The following FARP1 variants were observed in gnomAD, a reference collection of about 807,000 sequenced individuals.
FARP1 encodes the protein FERM, ARH/RhoGEF and pleckstrin domain protein 1, also known as FERM, ARHGEF and pleckstrin domain-containing protein 1.
FARP1 carries 52 observed loss-of-function variants against 128.8 expected under a neutral mutation model. That is an observed-to-expected ratio of 0.40 (90% CI 0.32 to 0.51). The LOEUF (loss-of-function observed/expected upper bound fraction) is 0.51. Ranked by LOEUF, FARP1 falls within the 20% of genes least tolerant of loss-of-function variation. FARP1 has a pLI of 0.45. For synonymous variants in FARP1, 580 were observed against 551.8 expected, an observed-to-expected ratio of 1.05 and a Z score of -0.72; for missense variants, 1,333 against 1,367.9, an observed-to-expected ratio of 0.97 and a Z score of 0.40.
At chr13:98,164,183 A>AG (rs1877082811) in intron 1 of FARP1, among the ~76,000 whole-genome samples, 7 of 152,242 alleles carry the variant, frequency 4.6e-5, no homozygotes, top group Admixed American at 4.6e-4. Context: ...AACGAAGGAC[A>AG]GAAAGGCCCA....
chr13:98,435,432 A>G (rs934588325), intron 18 of FARP1, 144 bp from the exon 19 acceptor site: 7 of 716,228 alleles, frequency 9.8e-6, no homozygotes, highest in African/African-American at 5.4e-5. Flanking sequence ...TTATAGAGAA[A>G]TAGCACTGTT....
At chr13:98,414,193 G>T (rs1891294146) in intron 16 of FARP1, among the ~76,000 whole-genome samples, 1 of 152,180 alleles carries the variant, frequency 6.6e-6, no homozygotes, top group Non-Finnish European at 1.5e-5. Flanking sequence ...TTCCCAGAGG[G>T]TTTTCAGTAG....
chr13:98,422,475 C>T (rs1248046434), intron 16 of FARP1, among the ~76,000 whole-genome samples: 2 of 152,138 alleles, frequency 1.3e-5, no homozygotes, highest in African/African-American at 4.8e-5. Flanking sequence ...AGGGCAGCAA[C>T]GAAGACCCAG....
intron 2 of FARP1, among the ~76,000 whole-genome samples, chr13:98,223,826 A>G (rs1340380328): frequency 1.3e-5 from 2 of 152,236 alleles, no homozygotes; most frequent in African/African-American, 2.4e-5. Flanking sequence ...TACTCTGTTA[A>G]GCTTGCCACA....
intron 2 of FARP1, among the ~76,000 whole-genome samples, chr13:98,243,822 G>T (rs1882916268): frequency 6.6e-6 from 1 of 151,732 alleles, no homozygotes; most frequent in African/African-American, 2.4e-5. Context: ...ACAAAAACTG[G>T]ACCTAAAGTT....
intron 1 of FARP1, among the ~76,000 whole-genome samples, chr13:98,163,001 A>G (rs1374850196): frequency 2.6e-5 from 4 of 152,210 alleles, no homozygotes; most frequent in Non-Finnish European, 1.5e-5. Flanking sequence ...AAGTCATTCT[A>G]CCATAAGGAC....
At chr13:98,320,012 CG>C (rs1886921094) in intron 2 of FARP1, among the ~76,000 whole-genome samples, 1 of 152,068 alleles carries the variant, frequency 6.6e-6, no homozygotes, top group African/African-American at 2.4e-5. Context: ...CTGAAACACC[CG>C]GGGTGGAATG....
chr13:98,354,543 A>T (rs1888565024), intron 3 of FARP1, among the ~76,000 whole-genome samples: 1 of 152,258 alleles, frequency 6.6e-6, no homozygotes, highest in Non-Finnish European at 1.5e-5. Context: ...ATGGAGAGGT[A>T]CAAATCTTTG....
chr13:98,369,726 T>C (rs1434028448), intron 5 of FARP1, among the ~76,000 whole-genome samples: 1 of 151,620 alleles, frequency 6.6e-6, no homozygotes, highest in Non-Finnish European at 1.5e-5. Context: ...TAGTATTCCA[T>C]GGTGTATGTG....
At chr13:98,187,364 C>T (rs77781335) in intron 1 of FARP1, among the ~76,000 whole-genome samples, 5 of 152,150 alleles carry the variant, frequency 3.3e-5, no homozygotes, top group African/African-American at 4.8e-5. Flanking sequence ...CATAAGGCAC[C>T]GTATGATAAG....
intron 26 of FARP1, chr13:98,447,948 C>T (rs1175868150): frequency 4.3e-6 from 2 of 460,942 alleles, no homozygotes; most frequent in Admixed American, 7.6e-5. Context: ...AGGTAGCGTT[C>T]TCCCCAGCAA....
At chr13:98,343,691 G>A in intron 2 of FARP1, 71 bp from the exon 3 acceptor site, 1 of 1,068,024 alleles carries the variant, frequency 9.4e-7, no homozygotes, top group Non-Finnish European at 1.5e-6. Context: ...GAGGTTTCCT[G>A]CAGCGAGGAG....
intron 1 of FARP1, among the ~76,000 whole-genome samples, chr13:98,147,626 G>A (rs532726848): frequency 6.6e-6 from 1 of 151,620 alleles, no homozygotes; most frequent in Non-Finnish European, 1.5e-5. Flanking sequence ...TGTTCATTCA[G>A]GATCTAGTAT....
chr13:98,378,542 G>A (rs1251698628), intron 6 of FARP1, among the ~76,000 whole-genome samples: 2 of 151,932 alleles, frequency 1.3e-5, no homozygotes, highest in East Asian at 3.9e-4. Flanking sequence ...GGTAATTGTG[G>A]GTATAATACT....
At chr13:98,147,689 T>TG (rs2139076509) in intron 1 of FARP1, among the ~76,000 whole-genome samples, 1 of 152,114 alleles carries the variant, frequency 6.6e-6, no homozygotes, top group African/African-American at 2.4e-5. Context: ...GTTTTCTTTT[T>TG]GAAAAAAACT....
intron 5 of FARP1, 143 bp downstream of exon 5, chr13:98,368,338 C>G: frequency 1.6e-6 from 1 of 622,400 alleles, no homozygotes; most frequent in Non-Finnish European, 2.7e-6. Context: ...TAACCTTCCT[C>G]TTTCCCAGCC....
At chr13:98,348,141 A>G (rs558415139) in intron 3 of FARP1, among the ~76,000 whole-genome samples, 6 of 152,340 alleles carry the variant, frequency 3.9e-5, no homozygotes, top group Admixed American at 2.0e-4. Context: ...TGAAATAATT[A>G]TGTTCTACCC....
chr13:98,327,121 G>A (rs763341755), intron 2 of FARP1, among the ~76,000 whole-genome samples: 3 of 152,114 alleles, frequency 2.0e-5, no homozygotes, highest in Non-Finnish European at 4.4e-5. Context: ...TTCACATTTC[G>A]AATGCTGTCA....
intron 2 of FARP1, among the ~76,000 whole-genome samples, chr13:98,251,608 G>C (rs1203189194): frequency 6.6e-6 from 1 of 151,634 alleles, no homozygotes; most frequent in African/African-American, 2.4e-5. Flanking sequence ...GCTTGAACCC[G>C]GGAGGTGGAG....
Sources: allele counts gnomAD v4.1 joint callset (sites outside exome capture counted in the v4.1 genomes callset), GRCh38; gene constraint gnomAD v4.1.1; transcripts MANE v1.5; gene names NCBI Gene and HGNC (gene_info 2026-07-23, HGNC 2026-07-21).